EXOC4: variants seen among roughly 807,000 people sequenced by gnomAD.
EXOC4 encodes exocyst complex component 4.
EXOC4 carries 71 observed loss-of-function variants against 107.2 expected under a neutral mutation model. The ratio of observed to expected loss-of-function variants is 0.66; its 90% confidence interval spans 0.55 to 0.81. EXOC4 has a LOEUF of 0.81. Ranked by LOEUF, EXOC4 falls within the 30% of genes least tolerant of loss-of-function variation. The pLI is 0.00. For missense variants in EXOC4, 1,108 were observed against 1,189.6 expected, an observed-to-expected ratio of 0.93 and a Z score of 1.01; for synonymous variants, 456 against 441.2, an observed-to-expected ratio of 1.03 and a Z score of -0.42.
chr7:133,956,854 C>T lies in EXOC4; in HGVS notation c.2206+18785C>T, dbSNP rs568576357. Among the ~76,000 whole-genome samples the T allele has an allele frequency of 6.8e-4, 104 of 152,310 alleles. No homozygotes were observed. The South Asian group carries it at 0.01, about 15-fold the overall frequency. ...AATTGTGATCATACTTATTCCACCACACTGGTAAATTAGGAAGAAACAATA... is the reference window on the plus strand; with the variant it reads ...AATTGTGATCATACTTATTCCACCATACTGGTAAATTAGGAAGAAACAATA... On this transcript the variant is annotated intron_variant, in intron 14 of 17. Coordinates refer to ENST00000253861, the MANE Select transcript of EXOC4 (RefSeq NM_021807.4).
At chr7:133,908,248 CT>C (rs1267585021) in intron 12 of EXOC4, among the ~76,000 whole-genome samples, 1 of 152,226 alleles carries the variant, frequency 6.6e-6, no homozygotes, top group Admixed American at 6.5e-5. Flanking sequence ...GTGCAAGGGA[CT>C]TTATGGTCAC....
chr7:133,682,814 G>A (rs941934012), intron 10 of EXOC4, among the ~76,000 whole-genome samples: 5 of 152,188 alleles, frequency 3.3e-5, no homozygotes, highest in Admixed American at 3.3e-4. Context: ...CAGTCAAAAT[G>A]ACTCAAATGC....
chr7:133,479,453 A>G (rs747985855), intron 8 of EXOC4: 1 of 152,660 alleles, frequency 6.6e-6, no homozygotes. Context: ...AGTATTTTAT[A>G]TTGTAGGCAG....
intron 9 of EXOC4, among the ~76,000 whole-genome samples, chr7:133,616,945 T>A (rs1291564737): frequency 6.6e-6 from 1 of 152,138 alleles, no homozygotes; most frequent in Non-Finnish European, 1.5e-5. Flanking sequence ...GATTGGAGGC[T>A]TCTCATGAGC....
intron 8 of EXOC4, among the ~76,000 whole-genome samples, chr7:133,476,811 G>T (rs1487803314): frequency 1.3e-5 from 2 of 152,156 alleles, no homozygotes; most frequent in Non-Finnish European, 2.9e-5. Context: ...GAATGTGGAG[G>T]TTTCCTTAAT....
chr7:133,608,433 T>C (rs186701893), intron 9 of EXOC4, among the ~76,000 whole-genome samples: 1 of 151,922 alleles, frequency 6.6e-6, no homozygotes, highest in Admixed American at 6.6e-5. Context: ...AAAAAAAGAA[T>C]GTGGTATTCA....
chr7:133,651,993 T>C (rs1803167943), intron 10 of EXOC4, among the ~76,000 whole-genome samples: 1 of 152,202 alleles, frequency 6.6e-6, no homozygotes, highest in South Asian at 2.1e-4. Context: ...ACTCAAACTC[T>C]AGAAGGCAGG....
chr7:133,997,197 ACT>A (rs1251883558), intron 14 of EXOC4, among the ~76,000 whole-genome samples: 5 of 152,166 alleles, frequency 3.3e-5, no homozygotes, highest in Non-Finnish European at 7.4e-5. Flanking sequence ...GCCTCTTCCA[ACT>A]CTGAGGTTCT....
intron 10 of EXOC4, among the ~76,000 whole-genome samples, chr7:133,747,731 T>A (rs1377291662): frequency 6.6e-6 from 1 of 152,120 alleles, no homozygotes; most frequent in Non-Finnish European, 1.5e-5. Flanking sequence ...GTTTTGCTCC[T>A]CAGAGGATCC....
chr7:133,557,551 A>G (rs1800716880), intron 9 of EXOC4, among the ~76,000 whole-genome samples: 2 of 152,162 alleles, frequency 1.3e-5, no homozygotes, highest in Admixed American at 1.3e-4. Flanking sequence ...GAGTCAATAG[A>G]TTCATAGTGT....
At chr7:133,929,192 A>C (rs946601850) in intron 13 of EXOC4, among the ~76,000 whole-genome samples, 1 of 151,758 alleles carries the variant, frequency 6.6e-6, no homozygotes, top group Non-Finnish European at 1.5e-5. Context: ...TGGCCTCCCA[A>C]CGTGCTGGTA....
chr7:133,953,247 C>T (rs1002710627), intron 14 of EXOC4, among the ~76,000 whole-genome samples: 4 of 152,224 alleles, frequency 2.6e-5, no homozygotes, highest in Admixed American at 6.5e-5. Context: ...CAAGAGTTTG[C>T]TGCCTTCAAA....
At chr7:133,316,455 G>A (rs1267739582) in intron 4 of EXOC4, among the ~76,000 whole-genome samples, 3 of 152,142 alleles carry the variant, frequency 2.0e-5, no homozygotes, top group African/African-American at 4.8e-5. Flanking sequence ...GATAGTGTGC[G>A]AGATGATTCC....
Position 133,385,856 on chromosome 7 carries a change from C to T in EXOC4, c.1182+10854C>T, listed in dbSNP as rs17654208. Among the ~76,000 whole-genome samples the T allele has an allele frequency of 2.7e-3, 404 of 152,272 alleles. 6 individuals are homozygous for T. The East Asian group carries it at 0.052, about 20-fold the overall frequency. On this transcript the variant is annotated intron_variant, in intron 7 of 17. Coordinates refer to ENST00000253861, the MANE Select transcript of EXOC4 (RefSeq NM_021807.4). ...CTTGAGAATCCGTGATAACTTTCAA[C>T]TGATTCATTTAATTGAAATTATTTC...
intron 9 of EXOC4, among the ~76,000 whole-genome samples, chr7:133,590,626 C>T (rs1053524458): frequency 3.3e-5 from 5 of 152,150 alleles, no homozygotes; most frequent in African/African-American, 9.7e-5. Context: ...AGCAGCTTGA[C>T]TTCAGAGGGA....
chr7:133,569,522 T>C (rs964812710), intron 9 of EXOC4, among the ~76,000 whole-genome samples: 2 of 152,128 alleles, frequency 1.3e-5, no homozygotes, highest in Admixed American at 6.5e-5. Context: ...AAAAACCAAG[T>C]GTAGATATGT....
chr7:133,839,635 A>G (rs1306811227), intron 11 of EXOC4, among the ~76,000 whole-genome samples: 8 of 152,222 alleles, frequency 5.3e-5, no homozygotes, highest in Non-Finnish European at 2.9e-5. Flanking sequence ...TTGAGCTTTA[A>G]GGTATCAGCC....
chr7:133,923,348 C>T (rs993424336), intron 13 of EXOC4, among the ~76,000 whole-genome samples: 8 of 152,020 alleles, frequency 5.3e-5, no homozygotes, highest in African/African-American at 1.9e-4. Flanking sequence ...AGGCTAGTCT[C>T]GAACCTTGTG....
chr7:133,267,750 A>G (rs1220321615), intron 1 of EXOC4, among the ~76,000 whole-genome samples: 2 of 152,160 alleles, frequency 1.3e-5, no homozygotes, highest in Non-Finnish European at 2.9e-5. Flanking sequence ...ACGAGCAACT[A>G]TTTGTTCTTT....
Sources: allele counts gnomAD v4.1 joint callset (sites outside exome capture counted in the v4.1 genomes callset), GRCh38; gene constraint gnomAD v4.1.1; transcripts MANE v1.5; gene names NCBI Gene and HGNC (gene_info 2026-07-23, HGNC 2026-07-21).